The following PBX3 variants were observed in gnomAD, a reference collection of about 807,000 sequenced individuals.
PBX3 encodes PBX homeobox 3, also known as pre-B-cell leukemia transcription factor 3.
Under a neutral mutation model 48.5 loss-of-function variants are expected in PBX3, and 14 were observed. The observed-to-expected ratio is 0.29, with a 90% CI of 0.19 to 0.45. The LOEUF is 0.45. Among genes scored for constraint, PBX3 ranks in the 20% least tolerant of loss-of-function variants. PBX3 has a pLI of 1.00. For missense variants in PBX3, 386 were observed against 546.7 expected (o/e 0.71, Z 2.93); for synonymous variants, 210 against 200.3 (o/e 1.05, Z -0.41).
intron 2 of PBX3, among the ~76,000 whole-genome samples, chr9:125,762,620 G>A (rs895937446): frequency 2.6e-5 from 4 of 152,172 alleles, no homozygotes; most frequent in East Asian, 1.9e-4. Flanking sequence ...TTTAATCAGC[G>A]TCTTCTGCTG....
chr9:125,910,081 A>G (rs1841168373), intron 2 of PBX3, among the ~76,000 whole-genome samples: 1 of 152,198 alleles, frequency 6.6e-6, no homozygotes, highest in African/African-American at 2.4e-5. Context: ...GAATCTTTCT[A>G]GTCATATCTT....
In PBX3 at chr9:125,940,696, C is replaced by T. The variant is rs535866304; in HGVS notation, c.843+5089C>T. Among the ~76,000 whole-genome samples the T allele has an allele frequency of 3.3e-5, 5 of 152,220 alleles. No homozygotes were observed. In the South Asian group the frequency reaches 8.3e-4, roughly 25 times the overall value. On this transcript the variant is annotated intron_variant, in intron 5 of 8. Coordinates refer to ENST00000373489, the MANE Select transcript of PBX3 (RefSeq NM_006195.6). The stretch of plus-strand genomic sequence containing the variant: ...ATGAATGAACTATAACTATATGTAA[C>T]TACATAATGCTAAGTAAAAGAAGTG...
chr9:125,811,016 T>C (rs1838274415), intron 2 of PBX3, among the ~76,000 whole-genome samples: 1 of 152,206 alleles, frequency 6.6e-6, no homozygotes, highest in Non-Finnish European at 1.5e-5. Context: ...ATATCTTTTA[T>C]AAACTTCTCT....
intron 5 of PBX3, among the ~76,000 whole-genome samples, chr9:125,958,258 A>G (rs1564191402): frequency 6.6e-6 from 1 of 152,066 alleles, no homozygotes; most frequent in Non-Finnish European, 1.5e-5. Context: ...TTCCTCCTCC[A>G]TAATATGTGC....
intron 2 of PBX3, among the ~76,000 whole-genome samples, chr9:125,833,119 A>C (rs373858560): frequency 3.3e-5 from 5 of 152,176 alleles, no homozygotes; most frequent in African/African-American, 1.2e-4. Flanking sequence ...AAGTACAATT[A>C]GGAAGGGGAG....
chr9:125,822,454 C>CT (rs1176647004), intron 2 of PBX3, among the ~76,000 whole-genome samples: 1 of 152,044 alleles, frequency 6.6e-6, no homozygotes, highest in African/African-American at 2.4e-5. Context: ...AGGTACTCTT[C>CT]TTTTTTTCCC....
chr9:125,936,644 A>G (rs1337892937), intron 5 of PBX3, among the ~76,000 whole-genome samples: 1 of 152,184 alleles, frequency 6.6e-6, no homozygotes, highest in Non-Finnish European at 1.5e-5. Flanking sequence ...CCTGGGTGTA[A>G]GATGATTTCC....
chr9:125,831,141 G>C (rs1023836864), intron 2 of PBX3, among the ~76,000 whole-genome samples: 5 of 152,000 alleles, frequency 3.3e-5, no homozygotes, highest in Non-Finnish European at 7.4e-5. Flanking sequence ...TTTAATTTAC[G>C]CTTCTATTTG....
At chr9:125,891,718 C>G (rs547745477) in intron 2 of PBX3, among the ~76,000 whole-genome samples, 21 of 152,258 alleles carry the variant, frequency 1.4e-4, no homozygotes, top group African/African-American at 2.2e-4. Context: ...ACCATGAGCC[C>G]TTGGAATTTT....
At chr9:125,849,735 A>G (rs917548768) in intron 2 of PBX3, among the ~76,000 whole-genome samples, 2 of 151,978 alleles carry the variant, frequency 1.3e-5, no homozygotes, top group African/African-American at 4.8e-5. Context: ...CTAAATATCA[A>G]TATACATTTT....
intron 2 of PBX3, among the ~76,000 whole-genome samples, chr9:125,827,302 T>TAA (rs1293696346): frequency 6.6e-6 from 1 of 152,174 alleles, no homozygotes; most frequent in Non-Finnish European, 1.5e-5. Flanking sequence ...TTCTTCCTGT[T>TAA]AAGTTTAATA....
At chr9:125,926,207 T>G (rs930236263) in intron 3 of PBX3, among the ~76,000 whole-genome samples, 1 of 152,222 alleles carries the variant, frequency 6.6e-6, no homozygotes, top group African/African-American at 2.4e-5. Context: ...TGTTTTTAAT[T>G]TGGCATAAAA....
chr9:125,784,715 CA>C (rs1172585386), intron 2 of PBX3, among the ~76,000 whole-genome samples: 2 of 151,922 alleles, frequency 1.3e-5, no homozygotes, highest in Non-Finnish European at 2.9e-5. Flanking sequence ...GGAGGAAAAA[CA>C]AAAAGAAGAA....
At chr9:125,942,982 A>G (rs543543876) in intron 5 of PBX3, among the ~76,000 whole-genome samples, 64 of 152,318 alleles carry the variant, frequency 4.2e-4, no homozygotes, top group African/African-American at 1.5e-3. Flanking sequence ...AGCTTGCTCC[A>G]GTGATGTCAG....
At chr9:125,769,109 T>C (rs1836876028) in intron 2 of PBX3, among the ~76,000 whole-genome samples, 1 of 152,186 alleles carries the variant, frequency 6.6e-6, no homozygotes, top group Non-Finnish European at 1.5e-5. Flanking sequence ...GAAGGTGTGA[T>C]TGAGTTAATA....
In PBX3 at chr9:125,965,577, A is replaced by G. The variant is rs1033604551; in HGVS notation, c.1213-254A>G. On this transcript the variant is annotated intron_variant, in intron 8 of 8. Transcript: ENST00000373489. ...ACCAGCAGATCAAAGGCCGAGCTCG[A>G]TGCCAGCATGGGCCTCGCTGAAGCC... is the stretch of plus-strand genomic sequence containing the variant. Among the ~76,000 whole-genome samples the G allele has an allele frequency of 1.1e-4, 17 of 152,214 alleles. 1 individual carries two copies.
chr9:125,794,970 C>G (rs1291614054), intron 2 of PBX3, among the ~76,000 whole-genome samples: 1 of 152,198 alleles, frequency 6.6e-6, no homozygotes, highest in Non-Finnish European at 1.5e-5. Flanking sequence ...AGTATTGATG[C>G]ATTCACTTAC....
At chr9:125,799,121 T>G (rs1306231733) in intron 2 of PBX3, among the ~76,000 whole-genome samples, 2 of 152,212 alleles carry the variant, frequency 1.3e-5, no homozygotes, top group Non-Finnish European at 2.9e-5. Context: ...TCACCATTCA[T>G]CCTGAAGTTA....
At chr9:125,892,011 C>T (rs2132388404) in intron 2 of PBX3, among the ~76,000 whole-genome samples, 1 of 152,226 alleles carries the variant, frequency 6.6e-6, no homozygotes, top group African/African-American at 2.4e-5. Context: ...CCTCTGTCTC[C>T]CAGATTCAAG....
Sources: gnomAD v4.1 joint callset for allele counts (sites outside exome capture counted in the v4.1 genomes callset) on GRCh38, gnomAD v4.1.1 for gene constraint, MANE v1.5 for transcripts, NCBI Gene and HGNC (gene_info 2026-07-23, HGNC 2026-07-21) for gene names.